The following CSGALNACT1 variants were observed in gnomAD, a reference collection of about 807,000 sequenced individuals.
CSGALNACT1 encodes beta4GalNAcT-1.
In CSGALNACT1, 52 loss-of-function variants were observed where a neutral mutation model predicts 51.0. The ratio of observed to expected loss-of-function variants is 1.02; its 90% CI spans 0.82 to 1.29. The LOEUF (loss-of-function observed/expected upper bound fraction) is 1.29, where lower values mean the gene tolerates loss of function less well. Among genes scored for constraint, CSGALNACT1 ranks in the 50% most tolerant of loss-of-function variants. CSGALNACT1 has a pLI of 0.00. For synonymous variants in CSGALNACT1, 341 were observed against 254.4 expected (o/e 1.34, Z -3.24); for missense variants, 935 against 679.2 (o/e 1.38, Z -4.19).
intron 4 of CSGALNACT1, among the ~76,000 whole-genome samples, chr8:19,488,110 G>C (rs1429470598): frequency 2.0e-5 from 3 of 152,024 alleles, no homozygotes; most frequent in Admixed American, 6.6e-5. Flanking sequence ...AGCACTTTGG[G>C]AGGACGAGGT....
chr8:19,580,975 T>A (rs537732067), intron 3 of CSGALNACT1, among the ~76,000 whole-genome samples: 1 of 151,916 alleles, frequency 6.6e-6, no homozygotes, highest in African/African-American at 2.4e-5. Context: ...AAACAAAGAA[T>A]TGAAAATATG....
At chr8:19,557,294 C>T (rs1465514416) in intron 3 of CSGALNACT1, among the ~76,000 whole-genome samples, 2 of 152,182 alleles carry the variant, frequency 1.3e-5, no homozygotes, top group African/African-American at 4.8e-5. Context: ...GTAGTTGCCT[C>T]CTCACTACTA....
At chr8:19,539,601 G>A (rs780251515) in intron 3 of CSGALNACT1, among the ~76,000 whole-genome samples, 1 of 152,178 alleles carries the variant, frequency 6.6e-6, no homozygotes, top group African/African-American at 2.4e-5. Context: ...AACCAAGACT[G>A]TCCTGATAAA....
intron 4 of CSGALNACT1, among the ~76,000 whole-genome samples, chr8:19,463,668 T>C (rs138613087): frequency 9.8e-4 from 149 of 152,320 alleles, no homozygotes; most frequent in Middle Eastern, 6.8e-3. Flanking sequence ...ACTATGCAAA[T>C]TAAAGATCAA....
chr8:19,584,961 G>C (rs866819006), intron 3 of CSGALNACT1, among the ~76,000 whole-genome samples: 3 of 152,136 alleles, frequency 2.0e-5, no homozygotes, highest in African/African-American at 7.2e-5. Context: ...AACCCAAATA[G>C]ACTTAAGTCT....
At chr8:19,596,219 G>GA (rs1288046995) in intron 2 of CSGALNACT1, among the ~76,000 whole-genome samples, 2 of 152,214 alleles carry the variant, frequency 1.3e-5, no homozygotes, top group Non-Finnish European at 2.9e-5. Flanking sequence ...GAAACTGACT[G>GA]AAAAGAGAGC....
intron 1 of CSGALNACT1, among the ~76,000 whole-genome samples, chr8:19,637,045 G>T (rs552532633): frequency 6.6e-6 from 1 of 150,786 alleles, no homozygotes; most frequent in African/African-American, 2.4e-5. Context: ...AAAAAAAATA[G>T]AACAATTAGC....
At chr8:19,577,825 G>A (rs2044624113) in intron 3 of CSGALNACT1, among the ~76,000 whole-genome samples, 1 of 152,192 alleles carries the variant, frequency 6.6e-6, no homozygotes, top group Non-Finnish European at 1.5e-5. Flanking sequence ...TAAAGTTAGA[G>A]AGGCGGCTGA....
chr8:19,440,789 C>T (rs1017519349), intron 5 of CSGALNACT1, among the ~76,000 whole-genome samples: 27 of 152,016 alleles, frequency 1.8e-4, no homozygotes, highest in African/African-American at 6.5e-4. Flanking sequence ...TCCCTGTTTG[C>T]AGATGACATG....
upstream of CSGALNACT1, among the ~76,000 whole-genome samples, chr8:19,604,360 C>T (rs749413925): frequency 1.3e-5 from 2 of 152,208 alleles, no homozygotes; most frequent in Non-Finnish European, 2.9e-5. Context: ...CCATACACCA[C>T]ACAAGCTATG....
intron 4 of CSGALNACT1, among the ~76,000 whole-genome samples, chr8:19,464,914 T>G (rs1249889051): frequency 6.6e-6 from 1 of 152,152 alleles, no homozygotes; most frequent in Non-Finnish European, 1.5e-5. Flanking sequence ...GTGCAGCCAC[T>G]GCGGAATGCA....
intron 1 of CSGALNACT1, among the ~76,000 whole-genome samples, chr8:19,676,062 G>A (rs978355723): frequency 3.5e-5 from 5 of 142,426 alleles, no homozygotes; most frequent in South Asian, 2.3e-4. Flanking sequence ...ACCTAACCAC[G>A]ATGGATGGTG....
rs557533318 is a variant in CSGALNACT1 at position 19,479,863 on chromosome 8, G to A, written c.635-21221C>T. On this transcript the variant is annotated intron_variant, in intron 4 of 9. Coordinates refer to ENST00000454498, the Ensembl canonical transcript of CSGALNACT1. The stretch of plus-strand genomic sequence containing the variant: ...AAAAAAAAAAAGATTCCTCTCCGTA[G>A]ATCACACTAATGCCTGTCTTCAGGA... 2.2e-3 allele frequency among the ~76,000 whole-genome samples: 283 copies of A among 129,102 alleles called. 5 individuals carry two copies. The highest frequency in any genetic ancestry group is 7.7e-3 in the African/African-American group (273 of 35,652). The allele number at this position is 129,102 out of a possible 152,430, so 84.7% of individuals were successfully genotyped here.
intron 4 of CSGALNACT1, among the ~76,000 whole-genome samples, chr8:19,492,529 C>T (rs983945877): frequency 1.2e-4 from 19 of 152,214 alleles, no homozygotes; most frequent in Admixed American, 5.9e-4. Flanking sequence ...GTGCCATCTA[C>T]CCTGCTGGAG....
At chr8:19,459,503 C>T (rs2064912659) in intron 4 of CSGALNACT1, among the ~76,000 whole-genome samples, 1 of 151,704 alleles carries the variant, frequency 6.6e-6, no homozygotes, top group African/African-American at 2.4e-5. Context: ...GTTGGGGGAC[C>T]CTCTGGAAGC....
chr8:19,719,649 TC>T, intron 1 of CSGALNACT1, among the ~76,000 whole-genome samples: 1 of 152,282 alleles, frequency 6.6e-6, no homozygotes, highest in African/African-American at 2.4e-5. Flanking sequence ...ACCTTGATCT[TC>T]CCCTCTTGGT....
intron 1 of CSGALNACT1, among the ~76,000 whole-genome samples, chr8:19,751,705 C>T (rs2065039147): frequency 6.6e-6 from 1 of 152,096 alleles, no homozygotes; most frequent in African/African-American, 2.4e-5. Flanking sequence ...CAGACTTCCC[C>T]CTTGCTGTTC....
At chr8:19,532,413 T>G (rs958229819) in intron 3 of CSGALNACT1, among the ~76,000 whole-genome samples, 2 of 152,148 alleles carry the variant, frequency 1.3e-5, no homozygotes, top group Non-Finnish European at 2.9e-5. Context: ...TGAGCCGTGT[T>G]ACAAAAGCCT....
intron 1 of CSGALNACT1, among the ~76,000 whole-genome samples, chr8:19,690,014 A>C (rs2061210250): frequency 6.6e-6 from 1 of 152,232 alleles, no homozygotes; most frequent in Non-Finnish European, 1.5e-5. Flanking sequence ...CTAATCATTA[A>C]AGCCAATTTG....
Sources: gnomAD v4.1 joint callset for allele counts (sites outside exome capture counted in the v4.1 genomes callset) on GRCh38, gnomAD v4.1.1 for gene constraint, MANE v1.5 for transcripts, NCBI Gene and HGNC (gene_info 2026-07-23, HGNC 2026-07-21) for gene names.